The following KCND3 variants were observed in gnomAD, a reference collection of about 807,000 sequenced individuals.
The protein encoded by KCND3 is potassium voltage-gated channel subfamily D member 3.
Under a neutral mutation model 51.1 loss-of-function variants are expected in KCND3, and 9 were observed. The observed-to-expected ratio is 0.18, with a 90% CI of 0.11 to 0.31. KCND3 has a LOEUF of 0.31. KCND3 is among the 10% of genes least tolerant of loss of function. The pLI is 1.00. For synonymous variants in KCND3, 349 were observed against 368.0 expected (o/e 0.95, Z 0.59); for missense variants, 526 against 903.8 (o/e 0.58, Z 5.36).
chr1:111,815,229 C>T (rs2101583806), intron 2 of KCND3, among the ~76,000 whole-genome samples: 1 of 152,278 alleles, frequency 6.6e-6, no homozygotes, highest in South Asian at 2.1e-4. Context: ...TGAGACCAAT[C>T]CCTTTGCCTC....
chr1:111,852,810 T>C (rs817974), intron 2 of KCND3, among the ~76,000 whole-genome samples: 126,066 of 152,196 alleles, frequency 0.83, 52,656 homozygotes, highest in South Asian at 0.93. Context: ...GCAACATTCA[T>C]TCATCCGCTC....
At chr1:111,907,314 T>C (rs981993814) in intron 2 of KCND3, among the ~76,000 whole-genome samples, 2 of 152,270 alleles carry the variant, frequency 1.3e-5, no homozygotes, top group African/African-American at 4.8e-5. Context: ...CCTATTGGTA[T>C]TCACATCTTG....
intron 2 of KCND3, among the ~76,000 whole-genome samples, chr1:111,957,555 A>G (rs1449862539): frequency 6.6e-6 from 1 of 152,112 alleles, no homozygotes; most frequent in African/African-American, 2.4e-5. Context: ...CAATGATATA[A>G]GTTTAAAAAA....
chr1:111,792,107 G>T (rs1311651329), intron 2 of KCND3, among the ~76,000 whole-genome samples: 1 of 152,200 alleles, frequency 6.6e-6, no homozygotes, highest in East Asian at 1.9e-4. Context: ...AGGCTGGGAT[G>T]GTGAACTGTC....
chr1:111,871,950 G>T (rs1047434808), intron 2 of KCND3, among the ~76,000 whole-genome samples: 1 of 152,174 alleles, frequency 6.6e-6, no homozygotes. Flanking sequence ...AGCAAGGAAA[G>T]GCCACTGGAT....
intron 2 of KCND3, among the ~76,000 whole-genome samples, chr1:111,972,056 T>TG (rs1182490116): frequency 6.6e-6 from 1 of 152,208 alleles, no homozygotes; most frequent in Non-Finnish European, 1.5e-5. Flanking sequence ...CTACCTTTAG[T>TG]GGTTCCCTAA....
intron 2 of KCND3, among the ~76,000 whole-genome samples, chr1:111,805,341 TC>T (rs1665516302): frequency 6.6e-6 from 1 of 152,212 alleles, no homozygotes; most frequent in African/African-American, 2.4e-5. Flanking sequence ...TGGCCAGAGA[TC>T]CACCGCCACA....
chr1:111,871,946 G>C (rs764978354), intron 2 of KCND3, among the ~76,000 whole-genome samples: 43 of 152,160 alleles, frequency 2.8e-4, no homozygotes, highest in Non-Finnish European at 5.7e-4. Flanking sequence ...CAGGAGCAAG[G>C]AAAGGCCACT....
At chr1:111,852,162 T>G (rs1049970188) in intron 2 of KCND3, among the ~76,000 whole-genome samples, 1 of 152,262 alleles carries the variant, frequency 6.6e-6, no homozygotes, top group Non-Finnish European at 1.5e-5. Flanking sequence ...CTACTATGTC[T>G]AAGTCCCTAT....
At chr1:111,950,405 G>A (rs1045315023) in intron 2 of KCND3, among the ~76,000 whole-genome samples, 15 of 152,248 alleles carry the variant, frequency 9.9e-5, no homozygotes, top group East Asian at 3.9e-4. Context: ...GCCCTGCCCC[G>A]GATTGGATCA....
intron 2 of KCND3, among the ~76,000 whole-genome samples, chr1:111,954,278 C>T (rs1401201481): frequency 1.3e-5 from 2 of 152,174 alleles, no homozygotes; most frequent in African/African-American, 4.8e-5. Flanking sequence ...CTGTTGGGAC[C>T]CTTAATGACA....
intron 2 of KCND3, among the ~76,000 whole-genome samples, chr1:111,971,064 G>A (rs756386789): frequency 6.6e-6 from 1 of 152,132 alleles, no homozygotes; most frequent in Non-Finnish European, 1.5e-5. Flanking sequence ...GTTCTGCCAA[G>A]AGCTTGGCAC....
intron 2 of KCND3, among the ~76,000 whole-genome samples, chr1:111,959,490 T>C (rs1457269822): frequency 6.6e-6 from 1 of 152,094 alleles, no homozygotes; most frequent in African/African-American, 2.4e-5. Flanking sequence ...AGGGAGGGTC[T>C]CTCTCCTTCC....
chr1:111,929,818 T>C (rs570278407), intron 2 of KCND3, among the ~76,000 whole-genome samples: 3 of 152,296 alleles, frequency 2.0e-5, no homozygotes, highest in Admixed American at 6.5e-5. Context: ...CCAAGATAAG[T>C]TGGGAGGGAT....
chr1:111,867,862 C>A (rs892446445), intron 2 of KCND3, among the ~76,000 whole-genome samples: 2 of 152,208 alleles, frequency 1.3e-5, no homozygotes, highest in African/African-American at 4.8e-5. Context: ...GGTAAGAGCA[C>A]AGGCTATGGG....
At chr1:111,850,492 C>A (rs1477403888) in intron 2 of KCND3, among the ~76,000 whole-genome samples, 1 of 152,138 alleles carries the variant, frequency 6.6e-6, no homozygotes, top group East Asian at 1.9e-4. Flanking sequence ...TCCTTGTGAA[C>A]AATATAGGGA....
At chr1:111,807,768 T>C (rs1665646292) in intron 2 of KCND3, among the ~76,000 whole-genome samples, 1 of 152,232 alleles carries the variant, frequency 6.6e-6, no homozygotes, top group Non-Finnish European at 1.5e-5. Flanking sequence ...GGCTATATCA[T>C]CTAGGCTTGT....
intron 2 of KCND3, among the ~76,000 whole-genome samples, chr1:111,952,836 G>C (rs1020195990): frequency 6.6e-6 from 1 of 152,116 alleles, no homozygotes; most frequent in African/African-American, 2.4e-5. Flanking sequence ...AAAGAGACAA[G>C]GGGATGGAGG....
intron 2 of KCND3, among the ~76,000 whole-genome samples, chr1:111,832,505 T>C (rs1666879570): frequency 6.6e-6 from 1 of 152,192 alleles, no homozygotes; most frequent in African/African-American, 2.4e-5. Context: ...TCTCACTCCC[T>C]TTCCTTTTTT....
Sources: gnomAD v4.1 joint callset for allele counts (sites outside exome capture counted in the v4.1 genomes callset) on GRCh38, gnomAD v4.1.1 for gene constraint, MANE v1.5 for transcripts, NCBI Gene and HGNC (gene_info 2026-07-23, HGNC 2026-07-21) for gene names.